The following EYS variants were observed in gnomAD, a reference collection of about 807,000 sequenced individuals.
The protein encoded by EYS is protein eyes shut homolog.
A neutral mutation model predicts 282.1 loss-of-function variants in EYS; 250 were observed. The ratio of observed to expected loss-of-function variants is 0.89; its 90% CI spans 0.80 to 0.98. The LOEUF (loss-of-function observed/expected upper bound fraction) is 0.98, where lower values mean the gene tolerates loss of function less well. Ranked by LOEUF, EYS falls within the 50% of genes least tolerant of loss-of-function variation. The pLI is 0.00. For synonymous variants in EYS, 1,355 were observed against 1,282.9 expected (o/e 1.06, Z -1.20); for missense variants, 4,016 against 3,709.0 (o/e 1.08, Z -2.15).
intron 6 of EYS, 56 bp downstream of exon 6, chr6:65,405,118 T>C: frequency 4.1e-6 from 5 of 1,219,874 alleles, no homozygotes; most frequent in Non-Finnish European, 6.0e-6. Flanking sequence ...TCAAATTGCT[T>C]GGTAATAGTA....
intron 19 of EYS, among the ~76,000 whole-genome samples, chr6:64,835,449 A>C (rs943775195): frequency 6.6e-6 from 1 of 150,576 alleles, no homozygotes; most frequent in African/African-American, 2.4e-5. Context: ...AGACTAACAC[A>C]GTCACTAATT....
intron 39 of EYS, among the ~76,000 whole-genome samples, chr6:63,784,613 G>C (rs1266239656): frequency 6.6e-6 from 1 of 151,904 alleles, no homozygotes; most frequent in Admixed American, 6.6e-5. Flanking sequence ...GAGTGAAGGG[G>C]GGTGATACAC....
intron 29 of EYS, among the ~76,000 whole-genome samples, chr6:64,373,796 A>C (rs1582667186): frequency 6.6e-6 from 1 of 152,268 alleles, no homozygotes; most frequent in African/African-American, 2.4e-5. Flanking sequence ...TTGGACCAGA[A>C]GCTCTAGTAG....
intron 31 of EYS, among the ~76,000 whole-genome samples, chr6:64,153,548 G>C: frequency 6.6e-6 from 1 of 152,228 alleles, no homozygotes; most frequent in Non-Finnish European, 1.5e-5. Context: ...ATTCATAAAC[G>C]AATATGTTTT....
intron 12 of EYS, among the ~76,000 whole-genome samples, chr6:65,235,697 AT>A (rs1766904633): frequency 6.6e-6 from 1 of 152,190 alleles, no homozygotes; most frequent in Non-Finnish European, 1.5e-5. Context: ...GGTAATTTAC[AT>A]TCTAGATTAT....
chr6:65,273,568 G>A lies in EYS; in HGVS notation c.2023+22295C>T, dbSNP rs546643092. On this transcript the variant is annotated intron_variant, in intron 12 of 42. Transcript: ENST00000503581. ...TCCAGACACCCCCAATCCAGAGCAAGTTTGAAGGGGAAAAAAAGAGAAAGA... is the reference window on the plus strand; with the variant it reads ...TCCAGACACCCCCAATCCAGAGCAAATTTGAAGGGGAAAAAAAGAGAAAGA... Among the ~76,000 whole-genome samples, 1,424 of 152,152 alleles carry A rather than the reference G, an allele frequency of 9.4e-3. 32 individuals are homozygous for A. Among genetic ancestry groups the A allele is most frequent in the African/African-American group, 0.032 (1,339 of 41,522 alleles).
chr6:65,430,525 CAGT>C (rs1420006866), intron 5 of EYS, among the ~76,000 whole-genome samples: 1 of 152,190 alleles, frequency 6.6e-6, no homozygotes, highest in Non-Finnish European at 1.5e-5. Flanking sequence ...TAAGCTGATA[CAGT>C]TGACTTGTGG....
At chr6:64,046,436 C>A (rs1770627694) in intron 33 of EYS, among the ~76,000 whole-genome samples, 1 of 152,020 alleles carries the variant, frequency 6.6e-6, no homozygotes, top group African/African-American at 2.4e-5. Context: ...TCTTTATGAG[C>A]ATCTTGCAGT....
At chr6:64,658,883 T>G (rs144867071) in intron 22 of EYS, among the ~76,000 whole-genome samples, 1 of 152,106 alleles carries the variant, frequency 6.6e-6, no homozygotes, top group Admixed American at 6.5e-5. Flanking sequence ...CTGCACCAAG[T>G]GGACCTAATA....
At chr6:64,588,287 C>A (rs1253022874) in intron 26 of EYS, among the ~76,000 whole-genome samples, 1 of 152,006 alleles carries the variant, frequency 6.6e-6, no homozygotes, top group Admixed American at 6.6e-5. Context: ...AAAATACAAG[C>A]TGGAAATTGA....
intron 31 of EYS, among the ~76,000 whole-genome samples, chr6:64,157,702 T>TC (rs879839328): frequency 7.8e-4 from 118 of 152,152 alleles, no homozygotes; most frequent in Non-Finnish European, 9.1e-4. Context: ...GGAGAGGTGT[T>TC]GAGCCTGCGA....
intron 35 of EYS, among the ~76,000 whole-genome samples, chr6:63,893,887 C>T (rs1235946741): frequency 6.6e-6 from 1 of 152,138 alleles, no homozygotes; most frequent in Non-Finnish European, 1.5e-5. Flanking sequence ...TGGAACTTCT[C>T]CTGTCCACTA....
chr6:65,246,049 C>A (rs1228911859), intron 12 of EYS, among the ~76,000 whole-genome samples: 1 of 152,044 alleles, frequency 6.6e-6, no homozygotes, highest in Non-Finnish European at 1.5e-5. Context: ...GAAGGGCAAT[C>A]AAATGCAAAA....
At chr6:65,319,419 C>T (rs1201554408) in intron 11 of EYS, among the ~76,000 whole-genome samples, 3 of 151,360 alleles carry the variant, frequency 2.0e-5, no homozygotes, top group African/African-American at 7.3e-5. Flanking sequence ...ATTAAAACGC[C>T]ACTCTATTTT....
chr6:64,816,914 A>G (rs1764754879), intron 21 of EYS, among the ~76,000 whole-genome samples: 1 of 151,662 alleles, frequency 6.6e-6, no homozygotes, highest in South Asian at 2.1e-4. Context: ...GTGTTTCCAC[A>G]CAATAGAATA....
intron 22 of EYS, among the ~76,000 whole-genome samples, chr6:64,652,062 G>A (rs1314230800): frequency 6.6e-6 from 1 of 152,116 alleles, no homozygotes; most frequent in East Asian, 1.9e-4. Context: ...TTACTTTGAG[G>A]GAGCAATTTC....
chr6:64,207,034 C>T (rs1765629571), intron 31 of EYS, among the ~76,000 whole-genome samples: 1 of 151,974 alleles, frequency 6.6e-6, no homozygotes, highest in African/African-American at 2.4e-5. Context: ...TCCATGTGTC[C>T]TCATCATTTA....
At chr6:65,313,954 C>T (rs2882473) in intron 11 of EYS, among the ~76,000 whole-genome samples, 7 of 152,182 alleles carry the variant, frequency 4.6e-5, no homozygotes, top group Admixed American at 2.6e-4. Context: ...CCCTCTGCAA[C>T]GACTATTGTC....
At chr6:63,727,706 CAAAAAAAAAAAAAAA>C (rs1169878020) in intron 41 of EYS, among the ~76,000 whole-genome samples, 4 of 9,526 alleles carry the variant, frequency 4.2e-4, no homozygotes, top group East Asian at 3.7e-3. Flanking sequence ...CACCATCTCT[CAAAAAAAAAAAAAAA>C]AAAAAAAAAA....
Sources: allele counts gnomAD v4.1 joint callset (sites outside exome capture counted in the v4.1 genomes callset), GRCh38; gene constraint gnomAD v4.1.1; transcripts MANE v1.5; gene names NCBI Gene and HGNC (gene_info 2026-07-23, HGNC 2026-07-21).